AP2B1: variants seen among roughly 807,000 people sequenced by gnomAD.
AP2B1 encodes the protein adaptor related protein complex 2 subunit beta 1.
A neutral mutation model predicts 102.0 loss-of-function variants in AP2B1; 23 were observed. The observed-to-expected ratio is 0.23, with a 90% CI of 0.16 to 0.32. The LOEUF (loss-of-function observed/expected upper bound fraction) is 0.32. Among genes scored for constraint, AP2B1 ranks in the 10% least tolerant of loss-of-function variants. The pLI is 1.00. For missense variants in AP2B1, 541 were observed against 1,157.4 expected (o/e 0.47, Z 7.73); for synonymous variants, 381 against 421.2 (o/e 0.90, Z 1.17).
At chr17:35,659,923 G>A in intron 14 of AP2B1, 2 of 985,344 alleles carry the variant, frequency 2.0e-6, no homozygotes, top group Non-Finnish European at 2.4e-6. Context: ...CCTTTTTCGA[G>A]AACATCACAA....
intron 5 of AP2B1, among the ~76,000 whole-genome samples, chr17:35,623,321 T>A (rs2074234328): frequency 6.6e-6 from 1 of 152,092 alleles, no homozygotes; most frequent in Admixed American, 6.6e-5. Context: ...CCCAACACTT[T>A]GGGAGGCTGA....
intron 12 of AP2B1, 43 bp from the exon 13 acceptor site, chr17:35,650,487 G>C: frequency 6.2e-7 from 1 of 1,600,118 alleles, no homozygotes; most frequent in Non-Finnish European, 8.5e-7. Context: ...TCTGTATGGA[G>C]AACAGTTTCA....
chr17:35,630,730 T>C (rs1002643322), intron 9 of AP2B1, among the ~76,000 whole-genome samples: 2 of 152,254 alleles, frequency 1.3e-5, no homozygotes, highest in Non-Finnish European at 2.9e-5. Flanking sequence ...AAAAGACTTC[T>C]GATGGCTTTC....
chr17:35,662,532 G>GTTTTTTTTTTTTTTT (rs34547701), intron 14 of AP2B1, among the ~76,000 whole-genome samples: 3 of 110,106 alleles, frequency 2.7e-5, no homozygotes, highest in Non-Finnish European at 3.8e-5. Context: ...GTTTGGGTTT[G>GTTTTTTTTTTTTTTT]TTTTTTTTTT....
At chr17:35,718,615 A>G (rs1296871092) in intron 21 of AP2B1, among the ~76,000 whole-genome samples, 3 of 152,078 alleles carry the variant, frequency 2.0e-5, no homozygotes, top group Non-Finnish European at 4.4e-5. Context: ...GGAGAGGCTG[A>G]GGCAGGAGGA....
chr17:35,624,572 A>T lies in AP2B1; in HGVS notation c.701A>T (p.Asp234Val), dbSNP rs927997306. The change falls in exon 6 of 22, where the codon GAT becomes GTT. Residue 234 changes from aspartate (D) to valine (V), a missense_variant. Around this residue, in one of 10 missense-constraint regions of AP2B1, gnomAD observed 134 missense variants for 250.2 expected, o/e 0.54. Coordinates refer to ENST00000610402, the MANE Select transcript of AP2B1 (RefSeq NM_001030006.2). ...DCLSNYNPKD[D>V]REAQSICERV... ...CTGTCTAATTACAACCCTAAAGATG[A>T]TCGGGAGGCTCAGAGGTCAGTCTGT... The T allele has an allele frequency of 3.1e-6, 5 of 1,612,218 alleles. No individual in the cohort carries two copies. Among genetic ancestry groups the T allele is most frequent in the Non-Finnish European group, 4.2e-6 (5 of 1,178,992 alleles).
At chr17:35,664,582 G>A (rs904692266) in intron 14 of AP2B1, among the ~76,000 whole-genome samples, 58 of 152,082 alleles carry the variant, frequency 3.8e-4, no homozygotes, top group African/African-American at 1.3e-3. Flanking sequence ...AGGAAATACT[G>A]CCAGTAGCCA....
intron 5 of AP2B1, among the ~76,000 whole-genome samples, chr17:35,614,497 T>C (rs530891221): frequency 2.7e-3 from 414 of 152,196 alleles, no homozygotes; most frequent in Non-Finnish European, 3.7e-3. Flanking sequence ...GCCTGCTTTT[T>C]GTCTTCTTGG....
intron 17 of AP2B1, among the ~76,000 whole-genome samples, chr17:35,679,442 G>T (rs1237970115): frequency 2.7e-5 from 4 of 149,556 alleles, no homozygotes; most frequent in Non-Finnish European, 5.9e-5. Context: ...TTTGATCTTG[G>T]TCTACTCTGG....
intron 16 of AP2B1, among the ~76,000 whole-genome samples, chr17:35,673,853 G>A (rs1248849618): frequency 6.6e-6 from 1 of 152,066 alleles, no homozygotes; most frequent in Non-Finnish European, 1.5e-5. Flanking sequence ...TTTCCTCTTG[G>A]TAGCAGTACT....
chr17:35,597,846 G>A (rs1190289256), intron 2 of AP2B1, among the ~76,000 whole-genome samples: 1 of 152,178 alleles, frequency 6.6e-6, no homozygotes, highest in East Asian at 1.9e-4. Flanking sequence ...GGTAAATGAG[G>A]TAATACGCGC....
rs1031057494 is a variant in AP2B1 at position 35,725,308 on chromosome 17, C to T, written c.*1609C>T. 4.6e-5 allele frequency: 7 copies of T among 152,238 alleles called. No homozygotes were observed. The highest frequency in any genetic ancestry group is 4.1e-4 in the South Asian group (2 of 4,832). 9.4% of individuals were successfully genotyped at this position (152,238 alleles called of 1,614,324 possible). A position where few individuals can be genotyped will look rare whatever the true frequency, so the allele number is the denominator to read the frequency against. ...TTCAGGGTCCATGACTAAGACTGGTCTTCTCAGATGCCCTGCTTAAATCAG... is the reference window on the plus strand; with the variant it reads ...TTCAGGGTCCATGACTAAGACTGGTTTTCTCAGATGCCCTGCTTAAATCAG... On this transcript the variant is annotated 3_prime_UTR_variant, in exon 22 of 22. Coordinates refer to ENST00000610402, the MANE Select transcript of AP2B1 (RefSeq NM_001030006.2).
chr17:35,618,873 C>T (rs1394797424), intron 5 of AP2B1, among the ~76,000 whole-genome samples: 1 of 152,152 alleles, frequency 6.6e-6, no homozygotes, highest in Non-Finnish European at 1.5e-5. Flanking sequence ...AAATCTTTCC[C>T]TCCCTAAGTA....
Position 35,710,335 on chromosome 17 carries a change from C to T in AP2B1, c.2626+15C>T, listed in dbSNP as rs1198392127. On this transcript the variant is annotated intron_variant, in intron 20 of 21. Coordinates refer to ENST00000610402, the MANE Select transcript of AP2B1 (RefSeq NM_001030006.2). ...TTTAAATGCTGGTGAGTAATATACT[C>T]TAAATTTCAGTTTCATCTTAGTAAA... is the stretch of plus-strand genomic sequence containing the variant. 1.3e-6 allele frequency: 2 copies of T among 1,532,190 alleles called. No individual in the cohort carries two copies. The highest frequency in any genetic ancestry group is 1.8e-6 in the Non-Finnish European group (2 of 1,110,082). 94.9% of individuals were successfully genotyped at this position (1,532,190 alleles called of 1,614,324 possible).
In AP2B1 at chr17:35,688,929, A is replaced by G. The variant is rs184896180; in HGVS notation, c.2454+6105A>G. 3.9e-3 allele frequency among the ~76,000 whole-genome samples: 595 copies of G among 152,180 alleles called. 1 individual carries two copies. Among genetic ancestry groups the G allele is most frequent in the African/African-American group, 0.013 (555 of 41,532 alleles). On this transcript the variant is annotated intron_variant, in intron 18 of 21. Transcript: ENST00000610402. Reference sequence around the variant, plus strand: ...CAGTGAGTTGAGATTACGCCACTGCACTCCAGCCTGCGTGACAGAACGAGC... The same window carrying G: ...CAGTGAGTTGAGATTACGCCACTGCGCTCCAGCCTGCGTGACAGAACGAGC...
intron 3 of AP2B1, among the ~76,000 whole-genome samples, chr17:35,603,503 C>A (rs1211333535): frequency 6.6e-6 from 1 of 152,114 alleles, no homozygotes; most frequent in Non-Finnish European, 1.5e-5. Flanking sequence ...AAGGTATAAA[C>A]TCCTTTTATA....
rs745630478 is a variant in AP2B1 at position 35,626,624 on chromosome 17, C to A, written c.720C>A (p.Ile240=). ...AATTTTCATTCTCCACCCTCAGCAT[C>A]TGTGAGCGGGTAACTCCCCGGCTAT... is the stretch of plus-strand genomic sequence containing the variant. ...NPKDDREAQS[I]CERVTPRLSH... The change falls in exon 7 of 22, where the codon ATC becomes ATA. Residue 240 remains isoleucine (I), a synonymous_variant. Transcript: ENST00000610402. 1 of 1,606,436 alleles carries A rather than the reference C, an allele frequency of 6.2e-7. No homozygotes were observed. The highest frequency in any genetic ancestry group is 2.2e-5 in the East Asian group (1 of 44,826).
chr17:35,723,086 G>A (rs1251392652), intron 21 of AP2B1, among the ~76,000 whole-genome samples: 1 of 152,174 alleles, frequency 6.6e-6, no homozygotes, highest in Admixed American at 6.5e-5. Context: ...TCATGTTCTT[G>A]TCTTCCCTCT....
intron 12 of AP2B1, among the ~76,000 whole-genome samples, chr17:35,649,580 A>G (rs912815727): frequency 7.9e-5 from 12 of 152,062 alleles, no homozygotes; most frequent in Admixed American, 1.3e-4. Flanking sequence ...CTAGTTTAAA[A>G]AATTTTTATG....
Sources: allele counts gnomAD v4.1 joint callset (sites outside exome capture counted in the v4.1 genomes callset), GRCh38; gene constraint gnomAD v4.1.1; regional missense constraint gnomAD v4.1.1; transcripts MANE v1.5; gene names NCBI Gene and HGNC (gene_info 2026-07-23, HGNC 2026-07-21).